The following MTRR variants were observed in gnomAD, a reference collection of about 807,000 sequenced individuals.
MTRR encodes 5-methyltetrahydrofolate-homocysteine methyltransferase reductase, also known as methionine synthase reductase.
A neutral mutation model predicts 79.2 loss-of-function variants in MTRR; 63 were observed. That is an observed-to-expected ratio of 0.80 (90% confidence interval 0.65 to 0.98). MTRR has a LOEUF of 0.98. Among genes scored for constraint, MTRR ranks in the 50% least tolerant of loss-of-function variants. The pLI is 0.00. For synonymous variants in MTRR, 355 were observed against 313.3 expected (o/e 1.13, Z -1.41); for missense variants, 895 against 839.6 (o/e 1.07, Z -0.82).
chr5:7,861,907 G>A (rs889293112), intron 1 of MTRR: 43 of 483,028 alleles, frequency 8.9e-5, no homozygotes, highest in Non-Finnish European at 1.2e-4. Flanking sequence ...GTTATCTGGG[G>A]TATGACAAGA....
intron 2 of MTRR, among the ~76,000 whole-genome samples, chr5:7,872,809 A>C (rs1160953223): frequency 6.6e-6 from 1 of 152,022 alleles, no homozygotes; most frequent in African/African-American, 2.4e-5. Context: ...GAGTCTCCCC[A>C]TCCCCATTTT....
exon 1 of MTRR, chr5:7,851,260 T>G: frequency 2.5e-6 from 1 of 400,082 alleles, no homozygotes; most frequent in Non-Finnish European, 4.3e-6. Context: ...GGGTCTCTCC[T>G]TCCTTCCTCC....
At position 7,889,777 on chromosome 5, in the gene MTRR, G is replaced by C. The variant is rs527309605; in HGVS notation, c.1327+502G>C. ...GCCCCCATCTGAGCAAGTCCAGATCGAGGGTCCTTCAAGAGCAAAAGGGGA... is the reference window on the plus strand; with the variant it reads ...GCCCCCATCTGAGCAAGTCCAGATCCAGGGTCCTTCAAGAGCAAAAGGGGA... On this transcript the variant is annotated intron_variant, in intron 9 of 14. Transcript: ENST00000440940. 1.3e-3 allele frequency among the ~76,000 whole-genome samples: 194 copies of C among 152,308 alleles called. 1 individual carries two copies. The highest frequency in any genetic ancestry group is 4.5e-3 in the African/African-American group (188 of 41,572).
intron 3 of MTRR, among the ~76,000 whole-genome samples, chr5:7,873,829 A>G (rs533227837): frequency 2.6e-5 from 4 of 152,310 alleles, no homozygotes; most frequent in African/African-American, 9.6e-5. Flanking sequence ...ACCTACTGAA[A>G]CAGTCCTTGA....
At chr5:7,862,318 G>A (rs1746610284) in intron 2 of MTRR, among the ~76,000 whole-genome samples, 1 of 152,106 alleles carries the variant, frequency 6.6e-6, no homozygotes, top group South Asian at 2.1e-4. Flanking sequence ...CTTTATAATG[G>A]TGCTGTCCAA....
intron 2 of MTRR, among the ~76,000 whole-genome samples, chr5:7,871,222 G>A (rs1041907352): frequency 4.6e-5 from 7 of 152,048 alleles, no homozygotes; most frequent in African/African-American, 1.7e-4. Context: ...CAAGTGAGAT[G>A]TGTGTTTGCC....
At chr5:7,866,934 G>A (rs376555432), upstream of MTRR, 8 of 1,614,186 alleles carry the variant, frequency 5.0e-6, no homozygotes, top group Admixed American at 3.3e-5. Context: ...GGTTTTGAAA[G>A]AATCAGTTCT....
intron 1 of MTRR, chr5:7,870,516 A>G (rs2126641557): frequency 2.3e-6 from 1 of 443,544 alleles, no homozygotes; most frequent in East Asian, 4.7e-5. Flanking sequence ...ACACAGATTC[A>G]AGCCCAAGTA....
upstream of MTRR, chr5:7,868,982 G>A (rs372343059): frequency 2.6e-4 from 223 of 865,314 alleles, no homozygotes; most frequent in Non-Finnish European, 4.0e-4. Flanking sequence ...CACCTACCGC[G>A]CTCTGCCGGG....
At chr5:7,890,518 A>G (rs1470458559) in intron 9 of MTRR, 1 of 586,212 alleles carries the variant, frequency 1.7e-6, no homozygotes, top group Non-Finnish European at 2.1e-6. Context: ...GAATGTTTGT[A>G]ACAATACCAC....
intron 2 of MTRR, among the ~76,000 whole-genome samples, chr5:7,871,768 G>A (rs1209457342): frequency 6.6e-6 from 1 of 152,138 alleles, no homozygotes; most frequent in Non-Finnish European, 1.5e-5. Flanking sequence ...GCCCTGCCAC[G>A]GTAACTCTGG....
At chr5:7,886,472 TGGCTGAATAAA>T in intron 7 of MTRR, 132 bp from the exon 8 acceptor site, 1 of 676,164 alleles carries the variant, frequency 1.5e-6, no homozygotes, top group Non-Finnish European at 2.6e-6. Flanking sequence ...GGAATTTTTT[TGGCTGAATAAA>T]CATTGCCACA....
At chr5:7,867,326 G>A (rs201558864), upstream of MTRR, 36 of 1,613,926 alleles carry the variant, frequency 2.2e-5, no homozygotes, top group East Asian at 2.2e-5. Context: ...AATATCCTCC[G>A]GGGTAAATGT....
chr5:7,888,328 GA>G (rs988835094), intron 8 of MTRR, among the ~76,000 whole-genome samples: 1 of 152,142 alleles, frequency 6.6e-6, no homozygotes, highest in South Asian at 2.1e-4. Context: ...GTTCTAAAGT[GA>G]AAAAAGTATG....
Position 7,885,413 on chromosome 5 carries a change from T to C in MTRR, c.904-288T>C, listed in dbSNP as rs16879305. 0.18 allele frequency among the ~76,000 whole-genome samples: 27,636 copies of C among 152,086 alleles called. 3,513 individuals carry two copies. The highest frequency in any genetic ancestry group is 0.33 in the African/African-American group (13,731 of 41,442). On this transcript the variant is annotated intron_variant, in intron 6 of 14. Coordinates refer to ENST00000440940, the MANE Select transcript of MTRR (RefSeq NM_002454.3). ...GAAAACACCATAGGACCTTACTTTG[T>C]AGAGAACAAGGAAGGTCTGACTTCC...
At chr5:7,855,605 C>T (rs1231572364) in intron 1 of MTRR, among the ~76,000 whole-genome samples, 1 of 152,038 alleles carries the variant, frequency 6.6e-6, no homozygotes, top group Non-Finnish European at 1.5e-5. Context: ...ATCCTCCTGC[C>T]GTGGCCTCCC....
At position 7,870,802 on chromosome 5, in the gene MTRR, G is replaced by C; in HGVS notation, c.8G>C (p.Arg3Thr). The C allele has an allele frequency of 1.9e-6, 3 of 1,614,130 alleles. No individual in the cohort carries two copies. The highest frequency in any genetic ancestry group is 2.5e-6 in the Non-Finnish European group (3 of 1,180,016). The change falls in exon 2 of 15, where the codon AGG becomes ACG. Residue 3 changes from arginine (R) to threonine (T), a missense_variant. Physicochemically the swap from Arg to Thr is moderately conservative, Grantham distance 71. Coordinates refer to ENST00000440940, the MANE Select transcript of MTRR (RefSeq NM_002454.3). ...GTTACATGCCTTGAAGTGATGAGGAGGTTTCTGTTACTATATGCTACACAG... is the reference window on the plus strand; with the variant it reads ...GTTACATGCCTTGAAGTGATGAGGACGTTTCTGTTACTATATGCTACACAG... MR[R>T]FLLLYATQQG...
chr5:7,861,758 T>C, intron 1 of MTRR: 2 of 1,483,888 alleles, frequency 1.3e-6, no homozygotes, highest in South Asian at 2.7e-5. Flanking sequence ...CTTGCATTGA[T>C]CAATTGGACT....
intron 6 of MTRR, among the ~76,000 whole-genome samples, chr5:7,883,523 GT>G (rs1358518246): frequency 7.0e-6 from 1 of 142,080 alleles, no homozygotes; most frequent in Non-Finnish European, 1.5e-5. Flanking sequence ...GTGGTGCTTG[GT>G]TACATATGCT....
Sources: allele counts gnomAD v4.1 joint callset (sites outside exome capture counted in the v4.1 genomes callset), GRCh38; gene constraint gnomAD v4.1.1; transcripts MANE v1.5; gene names NCBI Gene and HGNC (gene_info 2026-07-23, HGNC 2026-07-21).